DSG2: variants seen among roughly 807,000 people sequenced by gnomAD.
The protein encoded by DSG2 is desmoglein 2.
In DSG2, 45 loss-of-function variants were observed where a neutral mutation model predicts 75.6. That is an observed-to-expected ratio of 0.60 (90% CI 0.47 to 0.76). The LOEUF (loss-of-function observed/expected upper bound fraction) is 0.76, where lower values mean the gene tolerates loss of function less well. Among genes scored for constraint, DSG2 ranks in the 30% least tolerant of loss-of-function variants. The pLI is 0.00. For synonymous variants in DSG2, 429 were observed against 483.9 expected (o/e 0.89, Z 1.49); for missense variants, 1,267 against 1,357.4 (o/e 0.93, Z 1.05).
intron 11 of DSG2, among the ~76,000 whole-genome samples, chr18:31,538,190 T>C (rs1468435315): frequency 1.3e-5 from 2 of 152,218 alleles, no homozygotes; most frequent in African/African-American, 4.8e-5. Flanking sequence ...GGTTTGTTAA[T>C]ATTCACTAAA....
intron 9 of DSG2, among the ~76,000 whole-genome samples, chr18:31,534,712 G>A (rs1310225649): frequency 1.3e-5 from 2 of 151,980 alleles, no homozygotes; most frequent in Non-Finnish European, 2.9e-5. Context: ...GTTTCACCAT[G>A]TTGACCAGGC....
chr18:31,533,208 G>T (rs1307396816), intron 9 of DSG2, among the ~76,000 whole-genome samples: 1 of 152,166 alleles, frequency 6.6e-6, no homozygotes, highest in East Asian at 1.9e-4. Context: ...GTGGGTTCAT[G>T]CCTGGCATCT....
chr18:31,520,909 C>T lies in DSG2; in HGVS notation c.323C>T (p.Thr108Ile), dbSNP rs1284705376. The change falls in exon 4 of 15, where the codon ACT (threonine) becomes ATT (isoleucine). Residue 108 changes from threonine to isoleucine, a missense_variant. Physicochemically the swap from Thr to Ile is moderately conservative, Grantham distance 89. Transcript: ENST00000261590. ...GGTATATTTGTCTTTAACAAAGATA[C>T]TGGAGAACTGAATGTTACCAGCATT... is the stretch of plus-strand genomic sequence containing the variant. Reference protein sequence around the residue: ...PFGIFVFNKDTGELNVTSILD... With the variant: ...PFGIFVFNKDIGELNVTSILD... 6.2e-7 allele frequency: 1 copy of T among 1,613,840 alleles called. No homozygotes were observed. Among genetic ancestry groups the T allele is most frequent in the South Asian group, 1.1e-5 (1 of 91,072 alleles).
intron 1 of DSG2, among the ~76,000 whole-genome samples, chr18:31,501,896 C>G (rs1205373023): frequency 6.6e-6 from 1 of 151,986 alleles, no homozygotes; most frequent in Non-Finnish European, 1.5e-5. Context: ...TATAAATTAT[C>G]AATAATATCA....
intron 1 of DSG2, among the ~76,000 whole-genome samples, chr18:31,511,309 T>C (rs1469951032): frequency 6.6e-6 from 1 of 152,148 alleles, no homozygotes; most frequent in Non-Finnish European, 1.5e-5. Flanking sequence ...CTGGCATTTA[T>C]CTCCCCTACC....
chr18:31,498,340 C>T, intron 1 of DSG2, 44 bp downstream of exon 1: 1 of 1,250,546 alleles, frequency 8.0e-7, no homozygotes, highest in Non-Finnish European at 1.0e-6. Context: ...CCGGGGAGGG[C>T]GTCGGTAGGC....
chr18:31,520,672 C>T (rs1260950526), intron 3 of DSG2, 131 bp from the exon 4 acceptor site: 1 of 983,532 alleles, frequency 1.0e-6, no homozygotes, highest in African/African-American at 1.6e-5. Flanking sequence ...CAAAGAACTT[C>T]AGAAGGAAAT....
Position 31,545,758 on chromosome 18 carries a change from C to A in DSG2, c.2372C>A (p.Thr791Lys), listed in dbSNP as rs539568491. 1 of 1,614,120 alleles carries A rather than the reference C, an allele frequency of 6.2e-7. No individual in the cohort carries two copies. Among genetic ancestry groups the A allele is most frequent in the Non-Finnish European group, 8.5e-7 (1 of 1,180,028 alleles). Residue 791 changes from threonine (T) to lysine (K), a missense_variant, in exon 15 of 15, where the codon ACA (threonine) becomes AAA (lysine). Thr to Lys is a moderately conservative substitution (Grantham distance 78). Transcript: ENST00000261590. ...ASYTEEDENH[T>K]AKDCLLVYSQ... ...TACACTGAGGAAGATGAAAATCACA[C>A]AGCCAAAGATTGCCTTCTGGTTTAT...
chr18:31,530,600 G>A (rs1198733165), intron 8 of DSG2, among the ~76,000 whole-genome samples: 1 of 151,876 alleles, frequency 6.6e-6, no homozygotes, highest in Non-Finnish European at 1.5e-5. Context: ...GTATTTTTTT[G>A]TACAGATGGG....
chr18:31,534,508 A>ATTTTT (rs80270967), intron 9 of DSG2, among the ~76,000 whole-genome samples: 20,606 of 112,022 alleles, frequency 0.18, 2,338 homozygotes, highest in East Asian at 0.39. Flanking sequence ...ATGATCATTG[A>ATTTTT]TTTTTTTTTT....
intron 1 of DSG2, among the ~76,000 whole-genome samples, chr18:31,513,451 T>A (rs958465424): frequency 6.6e-6 from 1 of 152,204 alleles, no homozygotes; most frequent in Non-Finnish European, 1.5e-5. Flanking sequence ...CATTTATGCC[T>A]AAACCAGCCA....
intron 6 of DSG2, among the ~76,000 whole-genome samples, chr18:31,523,325 CAG>C (rs2073140814): frequency 6.6e-6 from 1 of 152,056 alleles, no homozygotes; most frequent in East Asian, 1.9e-4. Context: ...GGTGTGAACC[CAG>C]GGGACAGAGC....
intron 1 of DSG2, among the ~76,000 whole-genome samples, chr18:31,511,128 T>A (rs757058136): frequency 4.7e-4 from 71 of 152,212 alleles, no homozygotes; most frequent in Non-Finnish European, 1.0e-3. Flanking sequence ...GCAGCTTGTA[T>A]TACTGTCCTG....
At chr18:31,509,762 C>T (rs2073057137) in intron 1 of DSG2, among the ~76,000 whole-genome samples, 1 of 152,196 alleles carries the variant, frequency 6.6e-6, no homozygotes, top group South Asian at 2.1e-4. Flanking sequence ...CTCTTCTGAA[C>T]ATGTACATTT....
intron 8 of DSG2, among the ~76,000 whole-genome samples, chr18:31,529,473 A>G (rs961531671): frequency 3.9e-5 from 6 of 152,326 alleles, no homozygotes; most frequent in Middle Eastern, 6.8e-3. Flanking sequence ...GCTTTCACAA[A>G]GATATTACAA....
intron 12 of DSG2, among the ~76,000 whole-genome samples, chr18:31,539,669 G>A (rs374729740): frequency 1.3e-5 from 2 of 152,186 alleles, no homozygotes; most frequent in East Asian, 1.9e-4. Context: ...ACAGAGGGCC[G>A]CCTCCAAGGC....
intron 1 of DSG2, among the ~76,000 whole-genome samples, chr18:31,501,490 C>T (rs1190869484): frequency 6.6e-6 from 1 of 152,138 alleles, no homozygotes; most frequent in Non-Finnish European, 1.5e-5. Context: ...GGCTAGAAAT[C>T]CAAAATCAAG....
chr18:31,529,924 A>T, intron 8 of DSG2, among the ~76,000 whole-genome samples: 1 of 152,204 alleles, frequency 6.6e-6, no homozygotes, highest in East Asian at 1.9e-4. Flanking sequence ...GTGATAGCCC[A>T]AATGCCTAAT....
In DSG2 at chr18:31,500,636, GC is replaced by G. The variant is rs1222659107; in HGVS notation, c.45+2342del. Among the ~76,000 whole-genome samples the G allele has an allele frequency of 1.8e-4, 28 of 152,260 alleles. No individual in the cohort carries two copies. The South Asian group carries it at 5.0e-3, about 27-fold the overall frequency. ...GAACCCAAACCCCATTCAGAACGAA[GC>G]CTGCAGTGGAGTCTGTGACACATGG... On this transcript the variant is annotated intron_variant, in intron 1 of 14. Transcript: ENST00000261590.
Sources: allele counts gnomAD v4.1 joint callset (sites outside exome capture counted in the v4.1 genomes callset), GRCh38; gene constraint gnomAD v4.1.1; transcripts MANE v1.5; gene names NCBI Gene and HGNC (gene_info 2026-07-23, HGNC 2026-07-21).